The following BACH2 variants were observed in gnomAD, a reference collection of about 807,000 sequenced individuals.
The protein encoded by BACH2 is transcription regulator protein BACH2.
A neutral mutation model predicts 61.8 loss-of-function variants in BACH2; 5 were observed. The ratio of observed to expected loss-of-function variants is 0.08; its 90% CI spans 0.04 to 0.17. The LOEUF is 0.17. Ranked by LOEUF, BACH2 falls within the 10% of genes least tolerant of loss-of-function variation. The pLI is 1.00. For synonymous variants in BACH2, 446 were observed against 440.1 expected (o/e 1.01, Z -0.17); for missense variants, 824 against 1,091.1 (o/e 0.76, Z 3.45).
In BACH2 at chr6:89,962,510, C is replaced by T. The variant is rs146920262; in HGVS notation, c.244-10648G>A. Among the ~76,000 whole-genome samples, 635 of 152,226 alleles carry T rather than the reference C, an allele frequency of 4.2e-3. 1 individual carries two copies. The highest frequency in any genetic ancestry group is 0.013 in the African/African-American group (549 of 41,530). On this transcript the variant is annotated intron_variant, in intron 6 of 8. Transcript: ENST00000257749. ...CATTTTGGGCTTGAGTTTTCTTGAA[C>T]GCCTTATTTGTGGTTCCATACATGT...
At chr6:90,294,400 C>T (rs1480415960) in intron 1 of BACH2, among the ~76,000 whole-genome samples, 2 of 152,022 alleles carry the variant, frequency 1.3e-5, no homozygotes, top group South Asian at 2.1e-4. Context: ...ATTCAGGTTT[C>T]GAGAGTAAAA....
At chr6:90,159,463 G>A (rs767515160) in intron 4 of BACH2, among the ~76,000 whole-genome samples, 2 of 152,154 alleles carry the variant, frequency 1.3e-5, no homozygotes, top group African/African-American at 4.8e-5. Context: ...TTTTATATAC[G>A]CAGACCTCAT....
intron 5 of BACH2, among the ~76,000 whole-genome samples, chr6:90,038,474 G>C (rs1779371247): frequency 6.6e-6 from 1 of 152,152 alleles, no homozygotes; most frequent in Non-Finnish European, 1.5e-5. Flanking sequence ...ATGTTGTTGT[G>C]TATAAGAGTG....
At chr6:89,968,938 G>A (rs1407418541) in intron 6 of BACH2, among the ~76,000 whole-genome samples, 5 of 152,130 alleles carry the variant, frequency 3.3e-5, no homozygotes, top group African/African-American at 9.7e-5. Context: ...TTGAATCTGG[G>A]AGGCGGAGGT....
intron 3 of BACH2, among the ~76,000 whole-genome samples, chr6:90,206,982 C>T (rs556346850): frequency 6.6e-6 from 1 of 152,042 alleles, no homozygotes; most frequent in African/African-American, 2.4e-5. Flanking sequence ...CAATTCCCCC[C>T]AAACAGTCCA....
intron 5 of BACH2, among the ~76,000 whole-genome samples, chr6:90,029,491 T>C (rs1037667320): frequency 3.9e-5 from 6 of 152,118 alleles, no homozygotes; most frequent in African/African-American, 1.2e-4. Flanking sequence ...TCACTCTCCA[T>C]CCTCCCTCCC....
At chr6:90,150,851 G>A (rs1784789573) in intron 4 of BACH2, among the ~76,000 whole-genome samples, 1 of 152,182 alleles carries the variant, frequency 6.6e-6, no homozygotes, top group Non-Finnish European at 1.5e-5. Context: ...GGGTTCAGAG[G>A]GGCAGCAGTT....
chr6:90,113,907 T>C (rs1444486363), intron 4 of BACH2, among the ~76,000 whole-genome samples: 1 of 151,918 alleles, frequency 6.6e-6, no homozygotes, highest in Non-Finnish European at 1.5e-5. Flanking sequence ...ACACACAAAC[T>C]AGAAAACCTA....
intron 5 of BACH2, among the ~76,000 whole-genome samples, chr6:90,044,850 A>G (rs1479811881): frequency 6.6e-6 from 1 of 152,152 alleles, no homozygotes; most frequent in African/African-American, 2.4e-5. Context: ...AGGATCAGGT[A>G]TGGGGGATGA....
At chr6:90,198,159 G>T (rs547137999) in intron 4 of BACH2, among the ~76,000 whole-genome samples, 3 of 152,240 alleles carry the variant, frequency 2.0e-5, no homozygotes, top group East Asian at 3.9e-4. Flanking sequence ...GTCTGTAAAA[G>T]GTATAATTAC....
chr6:90,176,577 C>T (rs753013623), intron 4 of BACH2, among the ~76,000 whole-genome samples: 1 of 152,058 alleles, frequency 6.6e-6, no homozygotes, highest in South Asian at 2.1e-4. Flanking sequence ...AACGACACAC[C>T]GGAGGAGAGG....
chr6:89,950,361 T>A lies in BACH2; in HGVS notation c.1745A>T (p.Glu582Val). 1 of 1,614,108 alleles carries A rather than the reference T, an allele frequency of 6.2e-7. No individual in the cohort carries two copies. The highest frequency in any genetic ancestry group is 8.5e-7 in the Non-Finnish European group (1 of 1,180,008). Reference sequence around the variant, plus strand: ...ACTGGAGTTGGTTCCATAAGACTGCTCACATTTAATTTGGGGCCGCACTTG... The same window carrying A: ...ACTGGAGTTGGTTCCATAAGACTGCACACATTTAATTTGGGGCCGCACTTG... ...YNQVRPQIKC[E>V]QSYGTNSSDE... Residue 582 changes from glutamate (E) to valine (V), a missense_variant, in exon 7 of 9, where the codon GAG (glutamate) becomes GTG (valine). Physicochemically the swap from Glu to Val is moderately radical, Grantham distance 121. This residue lies in a region of BACH2 where 160 missense variants were observed against 283.5 expected (regional missense o/e 0.56). Transcript: ENST00000257749. This position sits in a 1 kb window ranked among gnomAD's most constrained non-coding sequence, Gnocchi z 5.3.
intron 5 of BACH2, among the ~76,000 whole-genome samples, chr6:90,056,341 A>T (rs1780349207): frequency 6.6e-6 from 1 of 152,206 alleles, no homozygotes; most frequent in African/African-American, 2.4e-5. Context: ...GATAAAACAG[A>T]CTTTAAACAA....
At chr6:90,029,999 G>C (rs575138492) in intron 5 of BACH2, among the ~76,000 whole-genome samples, 1 of 152,320 alleles carries the variant, frequency 6.6e-6, no homozygotes, top group East Asian at 1.9e-4. Context: ...AAGGTCTTGA[G>C]TGTGCTTTAT....
At chr6:90,110,736 T>C (rs2127815863) in intron 4 of BACH2, among the ~76,000 whole-genome samples, 1 of 152,310 alleles carries the variant, frequency 6.6e-6, no homozygotes. Context: ...TAACTAGAGT[T>C]TGTCTGTTAG....
intron 4 of BACH2, among the ~76,000 whole-genome samples, chr6:90,122,920 T>A (rs193252475): frequency 6.6e-6 from 1 of 152,284 alleles, no homozygotes; most frequent in East Asian, 1.9e-4. Flanking sequence ...CCGGAGAACT[T>A]AACGGCAGAG....
At position 90,070,522 on chromosome 6, in the gene BACH2, C is replaced by A. The variant is rs78252829; in HGVS notation, c.-13+18439G>T. ...CGGTTGGGGTTGATGTCCCACGGTCCTCCTGACTGTAATTCTGCATGGAGT... is the reference window on the plus strand; with the variant it reads ...CGGTTGGGGTTGATGTCCCACGGTCATCCTGACTGTAATTCTGCATGGAGT... On this transcript the variant is annotated intron_variant, in intron 5 of 8. Coordinates refer to ENST00000257749, the MANE Select transcript of BACH2 (RefSeq NM_021813.4). 5.9e-3 allele frequency among the ~76,000 whole-genome samples: 897 copies of A among 152,254 alleles called. 54 individuals are homozygous for A. The East Asian group carries it at 0.14, about 23-fold the overall frequency.
At chr6:90,259,319 T>G (rs748364190) in intron 2 of BACH2, among the ~76,000 whole-genome samples, 6 of 152,242 alleles carry the variant, frequency 3.9e-5, no homozygotes, top group Non-Finnish European at 7.4e-5. Context: ...CTGTGTCAAT[T>G]AAGATTATCA....
chr6:90,159,019 T>A (rs1392491809), intron 4 of BACH2, among the ~76,000 whole-genome samples: 4 of 152,216 alleles, frequency 2.6e-5, no homozygotes, highest in Admixed American at 6.5e-5. Context: ...ATTTCCATGG[T>A]GACTAATTAT....
Sources: allele counts gnomAD v4.1 joint callset (sites outside exome capture counted in the v4.1 genomes callset), GRCh38; gene constraint gnomAD v4.1.1; regional missense constraint gnomAD v4.1.1; non-coding constraint Gnocchi (gnomAD v3.1); transcripts MANE v1.5; gene names NCBI Gene and HGNC (gene_info 2026-07-23, HGNC 2026-07-21).